The following UTS2B variants were observed in gnomAD, a reference collection of about 807,000 sequenced individuals.
UTS2B encodes the protein urotensin 2B.
A neutral mutation model predicts 19.2 loss-of-function variants in UTS2B; 21 were observed. The observed-to-expected ratio is 1.09, with a 90% CI of 0.78 to 1.58. The LOEUF (loss-of-function observed/expected upper bound fraction) is 1.58. Ranked by LOEUF, UTS2B falls within the 40% of genes most tolerant of loss-of-function variation. UTS2B has a pLI of 0.00. For synonymous variants in UTS2B, 57 were observed against 50.2 expected (o/e 1.14, Z -0.58); for missense variants, 138 against 130.3 (o/e 1.06, Z -0.29).
chr3:191,325,564 A>G (rs766623597), intron 2 of UTS2B, among the ~76,000 whole-genome samples: 1 of 152,242 alleles, frequency 6.6e-6, no homozygotes, highest in Admixed American at 6.5e-5. Flanking sequence ...AGTTGAGAGC[A>G]TGAATAGGGT....
In UTS2B at chr3:191,268,357, G is replaced by T; in HGVS notation, c.*59C>A. 1 of 1,303,152 alleles carries T rather than the reference G, an allele frequency of 7.7e-7. No homozygotes were observed. Among genetic ancestry groups the T allele is most frequent in the Non-Finnish European group, 1.1e-6 (1 of 924,576 alleles). 80.7% of individuals were successfully genotyped at this position (1,303,152 alleles called of 1,614,324 possible). On this transcript the variant is annotated 3_prime_UTR_variant, in exon 9 of 9. Coordinates refer to ENST00000340524, the MANE Select transcript of UTS2B (RefSeq NM_198152.5). The stretch of plus-strand genomic sequence containing the variant: ...TCAGGGGGTCTGCCTACAGCAGAGT[G>T]AGTAGATACATATATTTTCCTGATA...
upstream of UTS2B, among the ~76,000 whole-genome samples, chr3:191,331,205 A>C (rs1022211625): frequency 2.0e-5 from 3 of 152,164 alleles, no homozygotes; most frequent in Admixed American, 2.0e-4. Flanking sequence ...GTGCATGGTG[A>C]GTAGAATGAG....
chr3:191,324,991 A>G (rs376553577), intron 2 of UTS2B, among the ~76,000 whole-genome samples: 4 of 152,162 alleles, frequency 2.6e-5, no homozygotes, highest in African/African-American at 9.7e-5. Context: ...TGGAGGTTGC[A>G]GTGAACCGAG....
intron 4 of UTS2B, among the ~76,000 whole-genome samples, chr3:191,291,070 T>G (rs963405813): frequency 6.6e-6 from 1 of 152,164 alleles, no homozygotes; most frequent in African/African-American, 2.4e-5. Flanking sequence ...TTGGAGTTCT[T>G]TTTTTCATTT....
intron 8 of UTS2B, among the ~76,000 whole-genome samples, chr3:191,272,889 G>A (rs1477844230): frequency 6.6e-6 from 1 of 151,030 alleles, no homozygotes; most frequent in Non-Finnish European, 1.5e-5. Flanking sequence ...AATGGGCAGG[G>A]CACAGTGCCT....
upstream of UTS2B, among the ~76,000 whole-genome samples, chr3:191,333,863 C>T (rs549520979): frequency 5.9e-5 from 9 of 152,002 alleles, no homozygotes; most frequent in African/African-American, 2.2e-4. Context: ...ATAAAAACTT[C>T]GAATTTTTTT....
intron 2 of UTS2B, among the ~76,000 whole-genome samples, chr3:191,318,238 T>C (rs1023897930): frequency 2.6e-5 from 4 of 152,248 alleles, no homozygotes; most frequent in African/African-American, 9.6e-5. Context: ...CATTCATATT[T>C]GTATAGTTTC....
chr3:191,279,604 A>C (rs1716326667), intron 5 of UTS2B, among the ~76,000 whole-genome samples: 1 of 151,970 alleles, frequency 6.6e-6, no homozygotes, highest in African/African-American at 2.4e-5. Context: ...TTTTCCCCTT[A>C]ATTCACAATC....
intron 4 of UTS2B, among the ~76,000 whole-genome samples, chr3:191,293,343 A>G (rs6783718): frequency 0.27 from 41,160 of 152,170 alleles, 6,345 homozygotes; most frequent in African/African-American, 0.41. Flanking sequence ...TTCCTTAAAC[A>G]TCTGGTAGAA....
At chr3:191,302,835 T>C (rs1480001315) in intron 4 of UTS2B, among the ~76,000 whole-genome samples, 2 of 152,206 alleles carry the variant, frequency 1.3e-5, no homozygotes, top group African/African-American at 4.8e-5. Flanking sequence ...AAGGCCTCTC[T>C]GACCTTCTCT....
intron 1 of UTS2B, chr3:191,329,868 T>A: frequency 4.4e-6 from 3 of 681,492 alleles, no homozygotes; most frequent in Non-Finnish European, 6.8e-6. Context: ...TGAAAGGAAT[T>A]GAATTCAGGT....
At chr3:191,318,350 G>A (rs934620950) in intron 2 of UTS2B, among the ~76,000 whole-genome samples, 1 of 152,216 alleles carries the variant, frequency 6.6e-6, no homozygotes, top group East Asian at 1.9e-4. Context: ...GAGGTCACAA[G>A]AAAAGTAGCC....
At chr3:191,339,638 C>T in the UTS2B span, among the ~76,000 whole-genome samples, 1 of 152,166 alleles carries the variant, frequency 6.6e-6, no homozygotes, top group Non-Finnish European at 1.5e-5. Context: ...CTTCAAGAAG[C>T]TTTCTGAATA....
At chr3:191,291,786 G>A (rs980732611) in intron 4 of UTS2B, among the ~76,000 whole-genome samples, 4 of 150,006 alleles carry the variant, frequency 2.7e-5, no homozygotes, top group Admixed American at 2.0e-4. Flanking sequence ...TATATGGTGT[G>A]AGGTTGGGTT....
intron 4 of UTS2B, among the ~76,000 whole-genome samples, chr3:191,297,664 T>G (rs1716891005): frequency 6.6e-6 from 1 of 152,198 alleles, no homozygotes; most frequent in African/African-American, 2.4e-5. Flanking sequence ...TAATGCCTCA[T>G]TTTTCATTGC....
upstream of UTS2B, chr3:191,330,528 C>T (rs1717944960): frequency 6.6e-6 from 1 of 152,176 alleles, no homozygotes; most frequent in South Asian, 2.1e-4. Flanking sequence ...TCGCCTTATG[C>T]CTTGAGTTAT....
intron 2 of UTS2B, among the ~76,000 whole-genome samples, chr3:191,317,685 TC>T (rs1174437137): frequency 1.3e-5 from 2 of 152,164 alleles, no homozygotes; most frequent in Non-Finnish European, 2.9e-5. Flanking sequence ...TTAATGCGAT[TC>T]TCCTTACTCA....
At chr3:191,275,687 C>CA (rs1175646702) in intron 7 of UTS2B, among the ~76,000 whole-genome samples, 3 of 112,650 alleles carry the variant, frequency 2.7e-5, no homozygotes, top group South Asian at 5.4e-4. Context: ...CTCAAAAAAA[C>CA]AAAAAACAAA....
At chr3:191,321,959 G>A (rs770215257) in intron 2 of UTS2B, among the ~76,000 whole-genome samples, 35 of 152,252 alleles carry the variant, frequency 2.3e-4, no homozygotes, top group African/African-American at 6.3e-4. Flanking sequence ...TCTGGGAGGC[G>A]GAGGTTGCAG....
Sources: gnomAD v4.1 joint callset for allele counts (sites outside exome capture counted in the v4.1 genomes callset) on GRCh38, gnomAD v4.1.1 for gene constraint, MANE v1.5 for transcripts, NCBI Gene and HGNC (gene_info 2026-07-23, HGNC 2026-07-21) for gene names.